LTBP1: variants seen among roughly 807,000 people sequenced by gnomAD.
LTBP1 encodes latent-transforming growth factor beta-binding protein 1.
A neutral mutation model predicts 207.6 loss-of-function variants in LTBP1; 129 were observed. The ratio of observed to expected loss-of-function variants is 0.62; its 90% CI spans 0.54 to 0.72. The LOEUF is 0.72. Ranked by LOEUF, LTBP1 falls within the 30% of genes least tolerant of loss-of-function variation. LTBP1 has a pLI of 0.00. For missense variants in LTBP1, 2,281 were observed against 2,217.2 expected, an observed-to-expected ratio of 1.03 and a Z score of -0.58; for synonymous variants, 963 against 833.7, an observed-to-expected ratio of 1.16 and a Z score of -2.67.
chr2:33,106,156 T>G (rs140710405), intron 3 of LTBP1, among the ~76,000 whole-genome samples: 14 of 152,326 alleles, frequency 9.2e-5, no homozygotes, highest in Non-Finnish European at 1.9e-4. Context: ...AGTCACTTCT[T>G]CAGGCTCCAC....
chr2:33,206,277 G>C (rs540777920), intron 7 of LTBP1, among the ~76,000 whole-genome samples: 1 of 152,302 alleles, frequency 6.6e-6, no homozygotes, highest in East Asian at 1.9e-4. Context: ...TTAGTTTTGA[G>C]TTCTGTGTAC....
At chr2:33,152,576 A>G (rs564339022) in intron 5 of LTBP1, among the ~76,000 whole-genome samples, 77 of 152,338 alleles carry the variant, frequency 5.1e-4, no homozygotes, top group African/African-American at 1.8e-3. Context: ...GTATCAACCC[A>G]GAGGAAAAGA....
intron 4 of LTBP1, among the ~76,000 whole-genome samples, chr2:33,126,630 A>G (rs2081452028): frequency 6.6e-6 from 1 of 152,194 alleles, no homozygotes. Context: ...TTGGCAACTA[A>G]TTGTTTTTCA....
At chr2:33,108,941 C>G (rs1558647374) in intron 3 of LTBP1, among the ~76,000 whole-genome samples, 1 of 152,168 alleles carries the variant, frequency 6.6e-6, no homozygotes, top group Non-Finnish European at 1.5e-5. Context: ...AAGCCTCAGG[C>G]TTTTAGTAAT....
intron 2 of LTBP1, among the ~76,000 whole-genome samples, chr2:32,994,847 C>T (rs1189193669): frequency 6.6e-6 from 1 of 152,144 alleles, no homozygotes; most frequent in Non-Finnish European, 1.5e-5. Flanking sequence ...GGCTACATCC[C>T]AAACCAATTG....
In LTBP1 at chr2:32,959,597, GTA is replaced by G. The variant is rs71407487; in HGVS notation, c.565+10676_565+10677del. On this transcript the variant is annotated intron_variant, in intron 2 of 33. Transcript: ENST00000404816. The stretch of plus-strand genomic sequence containing the variant: ...TATGTATATGTATATATATGTACGT[GTA>G]TATATATATATATATATATATATTT... Among the ~76,000 whole-genome samples the G allele has an allele frequency of 3.1e-3, 183 of 58,282 alleles. 9 individuals carry two copies. Among genetic ancestry groups the G allele is most frequent in the South Asian group, 5.9e-3 (5 of 846 alleles). The allele number at this position is 58,282 out of a possible 152,430, so 38.2% of individuals were successfully genotyped here.
chr2:33,078,300 T>C (rs1228219055), intron 3 of LTBP1, among the ~76,000 whole-genome samples: 1 of 152,168 alleles, frequency 6.6e-6, no homozygotes, highest in Non-Finnish European at 1.5e-5. Flanking sequence ...CAAATAAATA[T>C]TCTGGAGGGT....
chr2:33,346,899 G>C (rs945367250), intron 25 of LTBP1, among the ~76,000 whole-genome samples: 1 of 151,946 alleles, frequency 6.6e-6, no homozygotes, highest in African/African-American at 2.4e-5. Flanking sequence ...GGCGGATCAC[G>C]AGGTCAGGAG....
At chr2:33,329,409 G>A (rs964320076) in intron 24 of LTBP1, among the ~76,000 whole-genome samples, 3 of 152,104 alleles carry the variant, frequency 2.0e-5, no homozygotes, top group Non-Finnish European at 2.9e-5. Context: ...TTTTAATGAA[G>A]TCCAGTGTTT....
chr2:33,293,116 T>G (rs757325428), intron 19 of LTBP1, 44 bp from the exon 20 acceptor site: 9 of 1,590,986 alleles, frequency 5.7e-6, no homozygotes, highest in Non-Finnish European at 7.7e-6. Context: ...CATGTTTTCT[T>G]TTTCTTCTTT....
At chr2:32,977,338 G>A (rs1027545645) in intron 2 of LTBP1, among the ~76,000 whole-genome samples, 2 of 152,206 alleles carry the variant, frequency 1.3e-5, no homozygotes, top group African/African-American at 2.4e-5. Flanking sequence ...CTTCCCTGCC[G>A]TCTGGGTGTT....
intron 3 of LTBP1, among the ~76,000 whole-genome samples, chr2:33,088,647 G>C (rs557669928): frequency 2.0e-5 from 3 of 152,242 alleles, no homozygotes; most frequent in South Asian, 4.1e-4. Context: ...CCTTGGCTTA[G>C]AACAGTGTAC....
intron 2 of LTBP1, among the ~76,000 whole-genome samples, chr2:32,993,913 G>T (rs112609027): frequency 5.7e-4 from 87 of 152,048 alleles, no homozygotes; most frequent in African/African-American, 2.0e-3. Flanking sequence ...TCCCAGGCCG[G>T]GACCTCTGGG....
chr2:33,314,080 T>G (rs1185264695), intron 23 of LTBP1, among the ~76,000 whole-genome samples: 1 of 152,210 alleles, frequency 6.6e-6, no homozygotes, highest in Non-Finnish European at 1.5e-5. Flanking sequence ...ACAATTACAC[T>G]GAGGACAAGC....
At chr2:33,319,800 C>T (rs2094327474) in intron 24 of LTBP1, among the ~76,000 whole-genome samples, 1 of 152,208 alleles carries the variant, frequency 6.6e-6, no homozygotes, top group South Asian at 2.1e-4. Flanking sequence ...AGAGGGAGCA[C>T]CAGCAGCTTA....
intron 6 of LTBP1, among the ~76,000 whole-genome samples, chr2:33,187,414 C>T (rs903462819): frequency 1.5e-4 from 23 of 152,084 alleles, no homozygotes; most frequent in Admixed American, 1.2e-3. Context: ...AGTGTTCTGG[C>T]CCTTACAGCA....
intron 3 of LTBP1, among the ~76,000 whole-genome samples, chr2:33,088,080 A>G (rs945579401): frequency 1.3e-5 from 2 of 152,244 alleles, no homozygotes; most frequent in African/African-American, 2.4e-5. Flanking sequence ...GTCAAGTGCT[A>G]TAATACAAAG....
chr2:33,234,041 C>T (rs893555824), intron 9 of LTBP1, among the ~76,000 whole-genome samples: 14 of 152,150 alleles, frequency 9.2e-5, no homozygotes, highest in East Asian at 3.9e-4. Flanking sequence ...TTTTATCTTA[C>T]GAACTTTCAA....
intron 22 of LTBP1, among the ~76,000 whole-genome samples, chr2:33,308,370 A>C (rs2149131500): frequency 6.6e-6 from 1 of 152,302 alleles, no homozygotes; most frequent in Admixed American, 6.5e-5. Flanking sequence ...CATTTTTTAA[A>C]ATCCAGGCTA....
Sources: allele counts gnomAD v4.1 joint callset (sites outside exome capture counted in the v4.1 genomes callset), GRCh38; gene constraint gnomAD v4.1.1; transcripts MANE v1.5; gene names NCBI Gene and HGNC (gene_info 2026-07-23, HGNC 2026-07-21).